The following SLC7A2 variants were observed in gnomAD, a reference collection of about 807,000 sequenced individuals.
The protein encoded by SLC7A2 is cationic amino acid transporter 2.
SLC7A2 carries 48 observed loss-of-function variants against 58.9 expected under a neutral mutation model. The observed-to-expected ratio is 0.82, with a 90% CI of 0.65 to 1.04. The LOEUF is 1.04. SLC7A2 is among the 50% of genes least tolerant of loss of function. SLC7A2 has a pLI of 0.00. For missense variants in SLC7A2, 1,029 were observed against 818.8 expected, an observed-to-expected ratio of 1.26 and a Z score of -3.13; for synonymous variants, 363 against 314.5, an observed-to-expected ratio of 1.15 and a Z score of -1.63.
chr8:17,497,550 C>T (rs557429200), intron 1 of SLC7A2, among the ~76,000 whole-genome samples: 1 of 152,314 alleles, frequency 6.6e-6, no homozygotes, highest in South Asian at 2.1e-4. Context: ...CTTCGGGGAC[C>T]GCTGGAACTG....
chr8:17,525,388 G>C (rs1004946036), intron 2 of SLC7A2, among the ~76,000 whole-genome samples: 13 of 152,130 alleles, frequency 8.5e-5, no homozygotes, highest in African/African-American at 3.1e-4. Flanking sequence ...ACAAGCTCTA[G>C]AATCTGAAAC....
At chr8:17,526,218 T>A (rs1484670653) in intron 2 of SLC7A2, among the ~76,000 whole-genome samples, 8 of 152,102 alleles carry the variant, frequency 5.3e-5, no homozygotes, top group Admixed American at 3.9e-4. Context: ...CCATGGGAAT[T>A]CATTTGAGGG....
Position 17,565,390 on chromosome 8 carries a change from GTA to G in SLC7A2, c.*246_*247del. The stretch of plus-strand genomic sequence containing the variant: ...GCCCCCAAACAGTGGGAGTGTGTAT[GTA>G]TGTGTGTATGTATGTATCTATGTAT... On this transcript the variant is annotated 3_prime_UTR_variant, in exon 13 of 13. Coordinates refer to ENST00000494857, the MANE Select transcript of SLC7A2 (RefSeq NM_001370338.1). 2 of 472,464 alleles carry G rather than the reference GTA, an allele frequency of 4.2e-6. No individual in the cohort carries two copies. The highest frequency in any genetic ancestry group is 3.9e-5 in the African/African-American group (2 of 51,204). 29.3% of individuals were successfully genotyped at this position (472,464 alleles called of 1,614,324 possible).
At chr8:17,522,548 A>G (rs1397753900) in intron 2 of SLC7A2, among the ~76,000 whole-genome samples, 1 of 151,968 alleles carries the variant, frequency 6.6e-6, no homozygotes, top group Non-Finnish European at 1.5e-5. Flanking sequence ...ATTTTATCAC[A>G]TTTTCTCAGA....
At chr8:17,549,057 C>T (rs1178801753) in intron 5 of SLC7A2, among the ~76,000 whole-genome samples, 2 of 152,128 alleles carry the variant, frequency 1.3e-5, no homozygotes, top group African/African-American at 4.8e-5. Context: ...TGGTGGCAGA[C>T]AAGAGGAGAG....
intron 2 of SLC7A2, among the ~76,000 whole-genome samples, chr8:17,503,463 A>G (rs1800247923): frequency 1.3e-5 from 2 of 152,148 alleles, no homozygotes; most frequent in African/African-American, 4.8e-5. Context: ...GGTGTTCCTT[A>G]TCTGTTCTAG....
rs1585279585 is a variant in SLC7A2, at chr8:17,565,353, C to T, written c.*207C>T. ...CCTCCTGAGTGGAAGTTTCATTCAT[C>T]AGTGATGAATAGCCCCCAAACAGTG... On this transcript the variant is annotated 3_prime_UTR_variant, in exon 13 of 13. Coordinates refer to ENST00000494857, the MANE Select transcript of SLC7A2 (RefSeq NM_001370338.1). The T allele has an allele frequency of 3.6e-6, 2 of 548,138 alleles. No individual in the cohort carries two copies. Among genetic ancestry groups the T allele is most frequent in the Non-Finnish European group, 6.5e-6 (2 of 310,010 alleles). The allele number at this position is 548,138 out of a possible 1,614,324, so 34.0% of individuals were successfully genotyped here.
At chr8:17,494,264 C>T (rs1370981831), upstream of SLC7A2, among the ~76,000 whole-genome samples, 2 of 152,180 alleles carry the variant, frequency 1.3e-5, no homozygotes, top group African/African-American at 4.8e-5. Context: ...TGTGGGAGTA[C>T]AGGGTGTGGA....
At chr8:17,554,507 A>G (rs1226699644) in intron 7 of SLC7A2, 53 bp from the exon 8 acceptor site, 2 of 1,445,764 alleles carry the variant, frequency 1.4e-6, no homozygotes, top group Admixed American at 4.8e-5. Flanking sequence ...CCGTTCGGGG[A>G]TGTAATCTTG....
At chr8:17,509,117 T>C (rs2150662232) in intron 2 of SLC7A2, among the ~76,000 whole-genome samples, 1 of 152,174 alleles carries the variant, frequency 6.6e-6, no homozygotes, top group East Asian at 1.9e-4. Context: ...AAAGTTCGAG[T>C]CATCTGTTTA....
chr8:17,554,770 A>G, intron 8 of SLC7A2, 71 bp downstream of exon 8: 3 of 1,486,152 alleles, frequency 2.0e-6, no homozygotes, highest in Non-Finnish European at 1.8e-6. Flanking sequence ...TAAAAATACA[A>G]AGCTAGGTGG....
At chr8:17,506,028 A>C (rs1800351311) in intron 2 of SLC7A2, among the ~76,000 whole-genome samples, 1 of 152,204 alleles carries the variant, frequency 6.6e-6, no homozygotes, top group Non-Finnish European at 1.5e-5. Flanking sequence ...CTCTTGCAAC[A>C]CTTGCTTTAC....
chr8:17,510,336 T>C (rs1800553303), intron 2 of SLC7A2, among the ~76,000 whole-genome samples: 1 of 152,102 alleles, frequency 6.6e-6, no homozygotes, highest in Non-Finnish European at 1.5e-5. Flanking sequence ...TAAATGACAA[T>C]ACTTATGTAT....
At chr8:17,495,242 G>C (rs994256619), upstream of SLC7A2, among the ~76,000 whole-genome samples, 1 of 152,064 alleles carries the variant, frequency 6.6e-6, no homozygotes, top group African/African-American at 2.4e-5. Flanking sequence ...CGACTCCCAG[G>C]AATCTCTATT....
intron 5 of SLC7A2, among the ~76,000 whole-genome samples, chr8:17,549,270 A>G (rs2427721): frequency 2.6e-5 from 4 of 152,174 alleles, no homozygotes; most frequent in Middle Eastern, 3.4e-3. Context: ...CAGAAGGCAT[A>G]TGTGGGTTTT....
chr8:17,559,006 G>A (rs1802837591), intron 9 of SLC7A2, among the ~76,000 whole-genome samples: 1 of 152,166 alleles, frequency 6.6e-6, no homozygotes. Flanking sequence ...GGATGAAATT[G>A]TACCAAAGTG....
chr8:17,506,525 C>G (rs1800370181), intron 2 of SLC7A2, among the ~76,000 whole-genome samples: 1 of 152,126 alleles, frequency 6.6e-6, no homozygotes, highest in African/African-American at 2.4e-5. Flanking sequence ...GGACAGTTAT[C>G]AAGTTTCTGG....
upstream of SLC7A2, among the ~76,000 whole-genome samples, chr8:17,496,183 T>C (rs1799953213): frequency 6.6e-6 from 1 of 152,052 alleles, no homozygotes. Context: ...ATTCTCAGCC[T>C]GGTGGCTCAA....
chr8:17,558,708 G>A (rs1343292409), intron 9 of SLC7A2, among the ~76,000 whole-genome samples: 1 of 152,118 alleles, frequency 6.6e-6, no homozygotes, highest in Non-Finnish European at 1.5e-5. Flanking sequence ...TTGTGCTAAA[G>A]ATTTAATCAG....
Sources: allele counts gnomAD v4.1 joint callset (sites outside exome capture counted in the v4.1 genomes callset), GRCh38; gene constraint gnomAD v4.1.1; transcripts MANE v1.5; gene names NCBI Gene and HGNC (gene_info 2026-07-23, HGNC 2026-07-21).